Variants in TTBK2 observed in about 807,000 individuals in gnomAD.
The protein encoded by TTBK2 is tau-tubulin kinase 2.
Under a neutral mutation model 110.8 loss-of-function variants are expected in TTBK2, and 28 were observed. The observed-to-expected ratio is 0.25, with a 90% CI of 0.19 to 0.35. The LOEUF is 0.35. TTBK2 is among the 10% of genes least tolerant of loss of function. TTBK2 has a pLI of 1.00. For synonymous variants in TTBK2, 532 were observed against 527.3 expected (o/e 1.01, Z -0.12); for missense variants, 1,369 against 1,500.3 (o/e 0.91, Z 1.45).
rs138627809 is a variant in TTBK2 at position 42,780,737 on chromosome 15, G to A, written c.1197+2682C>T. 3.5e-3 allele frequency among the ~76,000 whole-genome samples: 540 copies of A among 152,150 alleles called. 1 individual carries two copies. The highest frequency in any genetic ancestry group is 0.012 in the African/African-American group (508 of 41,520). ...TCCTACCACTTTGGGAGGCTGAGGC[G>A]GACAAATCACCTCAGGTCAGGAGTT... On this transcript the variant is annotated intron_variant, in intron 11 of 14. Transcript: ENST00000267890.
chr15:42,825,126 T>TAAA (rs1892474506), intron 6 of TTBK2, among the ~76,000 whole-genome samples: 1 of 151,264 alleles, frequency 6.6e-6, no homozygotes, highest in Non-Finnish European at 1.5e-5. Flanking sequence ...ATAATAATAA[T>TAAA]AAATGTAAAA....
At chr15:42,763,079 C>T (rs1211264129) in intron 13 of TTBK2, among the ~76,000 whole-genome samples, 5 of 104,628 alleles carry the variant, frequency 4.8e-5, no homozygotes, top group African/African-American at 2.3e-4. Flanking sequence ...TTACAGTTAA[C>T]AATTTTATAT....
intron 2 of TTBK2, 102 bp from the exon 3 acceptor site, chr15:42,872,860 G>C (rs1304135358): frequency 7.3e-7 from 1 of 1,368,126 alleles, no homozygotes; most frequent in Non-Finnish European, 9.9e-7. Flanking sequence ...TTTATAATCT[G>C]TTTTTTGATA....
At chr15:42,777,309 AG>A in intron 11 of TTBK2, 67 bp from the exon 12 acceptor site, 2 of 1,473,538 alleles carry the variant, frequency 1.4e-6, no homozygotes, top group South Asian at 2.4e-5. Context: ...GAATCATTGA[AG>A]CCTTTCAAAA....
intron 5 of TTBK2, among the ~76,000 whole-genome samples, chr15:42,828,561 A>C (rs971461604): frequency 6.6e-6 from 1 of 151,676 alleles, no homozygotes. Flanking sequence ...TAAAAAAAAA[A>C]AAAATACAAA....
intron 3 of TTBK2, chr15:42,855,182 A>G (rs1237086661): frequency 1.3e-5 from 2 of 152,156 alleles, no homozygotes; most frequent in African/African-American, 2.4e-5. Context: ...GGTTCAAGTG[A>G]TTCTCCTGCC....
chr15:42,887,390 T>A (rs975113251), intron 1 of TTBK2, among the ~76,000 whole-genome samples: 4 of 152,024 alleles, frequency 2.6e-5, no homozygotes, highest in Non-Finnish European at 5.9e-5. Flanking sequence ...CTCTACTCCC[T>A]CCTTGGCAAT....
intron 11 of TTBK2, among the ~76,000 whole-genome samples, chr15:42,779,750 C>G (rs1890100406): frequency 6.6e-6 from 1 of 151,930 alleles, no homozygotes; most frequent in South Asian, 2.1e-4. Flanking sequence ...GAGGTCGAGG[C>G]AGGTGAATTA....
chr15:42,861,791 A>C (rs954530451), intron 3 of TTBK2, among the ~76,000 whole-genome samples: 3 of 152,224 alleles, frequency 2.0e-5, no homozygotes, highest in African/African-American at 7.2e-5. Flanking sequence ...ACAAATGATC[A>C]ATGAAATAAA....
At chr15:42,909,192 T>C (rs2141207521) in intron 1 of TTBK2, among the ~76,000 whole-genome samples, 1 of 152,362 alleles carries the variant, frequency 6.6e-6, no homozygotes, top group East Asian at 1.9e-4. Flanking sequence ...AGTAGCTAGC[T>C]ATTCACAGGC....
intron 13 of TTBK2, 56 bp downstream of exon 13, chr15:42,775,079 T>C (rs1020026005): frequency 1.9e-6 from 3 of 1,575,878 alleles, no homozygotes; most frequent in African/African-American, 2.7e-5. Flanking sequence ...GTTAGTCCTT[T>C]CTTAATAGCA....
At chr15:42,818,338 G>C (rs1372576793) in intron 6 of TTBK2, among the ~76,000 whole-genome samples, 1 of 152,184 alleles carries the variant, frequency 6.6e-6, no homozygotes, top group East Asian at 1.9e-4. Flanking sequence ...TACAAATATA[G>C]ATATAGGCTC....
intron 6 of TTBK2, among the ~76,000 whole-genome samples, chr15:42,825,926 C>T (rs949578253): frequency 4.6e-5 from 7 of 151,954 alleles, no homozygotes; most frequent in African/African-American, 7.3e-5. Context: ...GCTTCTAAGA[C>T]GGTAACATGC....
intron 3 of TTBK2, among the ~76,000 whole-genome samples, chr15:42,864,626 A>G (rs991737929): frequency 6.6e-6 from 1 of 152,082 alleles, no homozygotes; most frequent in Non-Finnish European, 1.5e-5. Context: ...AAACTCACCA[A>G]CATAGATTCT....
At chr15:42,889,173 T>C (rs1895359845) in intron 1 of TTBK2, among the ~76,000 whole-genome samples, 2 of 152,122 alleles carry the variant, frequency 1.3e-5, no homozygotes. Flanking sequence ...CCTCAGGAAT[T>C]ATTCAGGCCC....
chr15:42,769,316 T>A (rs982602740), intron 13 of TTBK2, among the ~76,000 whole-genome samples: 3 of 151,966 alleles, frequency 2.0e-5, no homozygotes, highest in African/African-American at 7.3e-5. Context: ...ACCATCAGAG[T>A]GAACAGGCAA....
chr15:42,896,786 C>A (rs1054741103), intron 1 of TTBK2, among the ~76,000 whole-genome samples: 2 of 151,852 alleles, frequency 1.3e-5, no homozygotes, highest in African/African-American at 2.4e-5. Context: ...TAGAGTGAGA[C>A]CCTGTCTCCA....
At position 42,752,792 on chromosome 15, in the gene TTBK2, A is replaced by C; in HGVS notation, c.2454T>G (p.Ala818=). Residue 818 remains alanine, a synonymous_variant, in exon 14 of 15, where the codon GCT becomes GCG. Coordinates refer to ENST00000267890, the MANE Select transcript of TTBK2 (RefSeq NM_173500.4). ...TTGTCACATCAAGAGGTTCAGTAGT[A>C]GCTGAGTGATCCTTTTCCACAATTA... is the stretch of plus-strand genomic sequence containing the variant. ...DLVIVEKDHS[A]TTEPLDVTKT... is the part of the protein sequence containing the mutation. The C allele has an allele frequency of 6.2e-7, 1 of 1,614,202 alleles. No homozygotes were observed. The highest frequency in any genetic ancestry group is 8.5e-7 in the Non-Finnish European group (1 of 1,180,022).
intron 10 of TTBK2, among the ~76,000 whole-genome samples, chr15:42,787,804 T>G (rs1890472593): frequency 6.6e-6 from 1 of 152,172 alleles, no homozygotes. Flanking sequence ...TATTTTCCTT[T>G]TCACCCAAGA....
Sources: allele counts gnomAD v4.1 joint callset (sites outside exome capture counted in the v4.1 genomes callset), GRCh38; gene constraint gnomAD v4.1.1; transcripts MANE v1.5; gene names NCBI Gene and HGNC (gene_info 2026-07-23, HGNC 2026-07-21).